NCKAP5: variants seen among roughly 807,000 people sequenced by gnomAD.
NCKAP5 encodes nck-associated protein 5.
A neutral mutation model predicts 167.0 loss-of-function variants in NCKAP5; 92 were observed. The ratio of observed to expected loss-of-function variants is 0.55; its 90% CI spans 0.47 to 0.66. The LOEUF (loss-of-function observed/expected upper bound fraction) is 0.66. Ranked by LOEUF, NCKAP5 falls within the 30% of genes least tolerant of loss-of-function variation. The probability of loss-of-function intolerance (pLI) is 0.00; values close to 1 mark genes in which losing one functional copy is unlikely to be tolerated. For synonymous variants in NCKAP5, 891 were observed against 877.4 expected (o/e 1.02, Z -0.27); for missense variants, 2,378 against 2,315.0 (o/e 1.03, Z -0.56).
Position 133,459,817 on chromosome 2 carries a change from C to T in NCKAP5, c.69+57641G>A, listed in dbSNP as rs575811162. Among the ~76,000 whole-genome samples the T allele has an allele frequency of 2.6e-5, 4 of 152,220 alleles. No homozygotes were observed. The East Asian group carries it at 7.7e-4, about 29-fold the overall frequency. On this transcript the variant is annotated intron_variant, in intron 3 of 19. Coordinates refer to ENST00000409261, the MANE Select transcript of NCKAP5 (RefSeq NM_207363.3). ...ATGAGTCTGTAACTTCCTGTTCAGG[C>T]GTGGGAAGCACACACTTTCATTAGG...
intron 4 of NCKAP5, among the ~76,000 whole-genome samples, chr2:133,271,093 T>C (rs1440489870): frequency 1.3e-5 from 2 of 150,848 alleles, no homozygotes; most frequent in African/African-American, 4.9e-5. Flanking sequence ...CTAATTTTTT[T>C]TTTTTTTTTT....
chr2:132,967,565 G>A (rs532589017), intron 7 of NCKAP5, among the ~76,000 whole-genome samples: 46 of 152,254 alleles, frequency 3.0e-4, no homozygotes, highest in African/African-American at 1.1e-3. Flanking sequence ...TGAGAGAATA[G>A]TTGAATAATA....
At chr2:133,055,853 T>G (rs2079779861) in intron 6 of NCKAP5, among the ~76,000 whole-genome samples, 1 of 152,168 alleles carries the variant, frequency 6.6e-6, no homozygotes, top group African/African-American at 2.4e-5. Flanking sequence ...CTCTGAATTT[T>G]CCATCTGGCC....
chr2:132,928,703 A>G (rs1284163654), intron 8 of NCKAP5, among the ~76,000 whole-genome samples: 1 of 152,144 alleles, frequency 6.6e-6, no homozygotes, highest in African/African-American at 2.4e-5. Flanking sequence ...ATAACTATTA[A>G]AGTAAATTAA....
chr2:133,170,894 C>T (rs911342477), intron 5 of NCKAP5, among the ~76,000 whole-genome samples: 4 of 152,104 alleles, frequency 2.6e-5, no homozygotes, highest in African/African-American at 9.7e-5. Flanking sequence ...AACTCGTCTC[C>T]AGTCCTCTTT....
chr2:133,096,706 G>A (rs2081354882), intron 6 of NCKAP5, among the ~76,000 whole-genome samples: 2 of 152,068 alleles, frequency 1.3e-5, no homozygotes, highest in South Asian at 4.1e-4. Context: ...GCCTCCCCTA[G>A]GTGGTGGAAG....
rs1692612494 is a variant in NCKAP5 at position 133,466,616 on chromosome 2, A to C, written c.69+50842T>G. ...TACCTTGGGCAGTATGGCCATTTTC[A>C]CGATATTGATTCTTCCTACCCATGA... On this transcript the variant is annotated intron_variant, in intron 3 of 19. Coordinates refer to ENST00000409261, the MANE Select transcript of NCKAP5 (RefSeq NM_207363.3). Among the ~76,000 whole-genome samples, 3 of 152,034 alleles carry C rather than the reference A, an allele frequency of 2.0e-5. No individual in the cohort carries two copies. The South Asian group carries it at 6.2e-4, about 32-fold the overall frequency.
At chr2:133,506,008 G>A (rs1299247784) in intron 3 of NCKAP5, among the ~76,000 whole-genome samples, 1 of 152,140 alleles carries the variant, frequency 6.6e-6, no homozygotes, top group Non-Finnish European at 1.5e-5. Flanking sequence ...CAGATATTCA[G>A]AGAGTTTAAG....
At chr2:133,284,912 A>C (rs1159258190) in intron 4 of NCKAP5, 1 of 152,228 alleles carries the variant, frequency 6.6e-6, no homozygotes, top group African/African-American at 2.4e-5. Flanking sequence ...ATCTCTTCTC[A>C]CTGCATTATA....
intron 3 of NCKAP5, among the ~76,000 whole-genome samples, chr2:133,308,686 A>ATTT (rs1559371090): frequency 1.3e-4 from 16 of 118,820 alleles, no homozygotes; most frequent in African/African-American, 5.0e-4. Flanking sequence ...AAGAAATACA[A>ATTT]TTCTTTTTTT....
At chr2:132,746,168 C>T (rs1023586257) in intron 16 of NCKAP5, among the ~76,000 whole-genome samples, 3 of 151,906 alleles carry the variant, frequency 2.0e-5, no homozygotes, top group East Asian at 3.9e-4. Context: ...TATAAGGCTA[C>T]GTTCATTAAG....
At chr2:133,081,057 C>T (rs541070942) in intron 6 of NCKAP5, among the ~76,000 whole-genome samples, 8 of 152,180 alleles carry the variant, frequency 5.3e-5, no homozygotes, top group South Asian at 2.1e-4. Context: ...AAAATGCTGG[C>T]GGACTAGCAC....
At chr2:133,550,375 A>T (rs1332542002) in intron 2 of NCKAP5, among the ~76,000 whole-genome samples, 8 of 151,590 alleles carry the variant, frequency 5.3e-5, no homozygotes, top group South Asian at 2.1e-4. Context: ...CGAATCCAGC[A>T]GCACATCAAA....
intron 9 of NCKAP5, 96 bp from the exon 10 acceptor site, chr2:132,869,070 C>G: frequency 3.8e-6 from 3 of 783,630 alleles, no homozygotes; most frequent in Non-Finnish European, 2.0e-6. Context: ...CTTATTGTAG[C>G]TAATTAGCTC....
At chr2:133,014,034 C>G (rs1411882582) in intron 6 of NCKAP5, among the ~76,000 whole-genome samples, 1 of 152,144 alleles carries the variant, frequency 6.6e-6, no homozygotes, top group Admixed American at 6.5e-5. Flanking sequence ...GTCTTCTAAC[C>G]TGTTTCCCTG....
At chr2:133,527,379 C>T (rs1575108438) in intron 2 of NCKAP5, among the ~76,000 whole-genome samples, 1 of 152,102 alleles carries the variant, frequency 6.6e-6, no homozygotes, top group Non-Finnish European at 1.5e-5. Context: ...GAAGCCAGTA[C>T]ATTTTTGCTA....
At chr2:133,094,928 C>T (rs1024165654) in intron 6 of NCKAP5, among the ~76,000 whole-genome samples, 2 of 152,010 alleles carry the variant, frequency 1.3e-5, no homozygotes, top group Non-Finnish European at 2.9e-5. Flanking sequence ...CCTCTGAGAG[C>T]AAGAAAATGG....
At chr2:132,909,400 A>G (rs1016268925) in intron 8 of NCKAP5, among the ~76,000 whole-genome samples, 1 of 152,156 alleles carries the variant, frequency 6.6e-6, no homozygotes, top group Non-Finnish European at 1.5e-5. Flanking sequence ...GCTATATCCA[A>G]TGATCATGCC....
intron 5 of NCKAP5, among the ~76,000 whole-genome samples, chr2:133,135,193 G>A (rs1315528528): frequency 6.6e-6 from 1 of 152,204 alleles, no homozygotes; most frequent in Non-Finnish European, 1.5e-5. Flanking sequence ...ATTTTGTTTG[G>A]TAGGTCAGGG....
Sources: gnomAD v4.1 joint callset for allele counts (sites outside exome capture counted in the v4.1 genomes callset) on GRCh38, gnomAD v4.1.1 for gene constraint, MANE v1.5 for transcripts, NCBI Gene and HGNC (gene_info 2026-07-23, HGNC 2026-07-21) for gene names.